MYEF2: variants seen among roughly 807,000 people sequenced by gnomAD.
The protein encoded by MYEF2 is myelin gene expression factor 2.
A neutral mutation model predicts 75.2 loss-of-function variants in MYEF2; 37 were observed. That is an observed-to-expected ratio of 0.49 (90% confidence interval 0.38 to 0.65). The LOEUF (loss-of-function observed/expected upper bound fraction) is 0.65, where lower values mean the gene tolerates loss of function less well. Among genes scored for constraint, MYEF2 ranks in the 30% least tolerant of loss-of-function variants. MYEF2 has a pLI of 0.00. For missense variants in MYEF2, 634 were observed against 771.4 expected, an observed-to-expected ratio of 0.82 and a Z score of 2.11; for synonymous variants, 195 against 241.6, an observed-to-expected ratio of 0.81 and a Z score of 1.79.
intron 5 of MYEF2, among the ~76,000 whole-genome samples, chr15:48,160,970 G>A (rs898917743): frequency 3.9e-5 from 6 of 152,016 alleles, no homozygotes; most frequent in Middle Eastern, 3.4e-3. Context: ...GTAAAAATAC[G>A]AAATTTAGGA....
intron 10 of MYEF2, chr15:48,153,450 A>C (rs923970316): frequency 5.1e-5 from 8 of 157,382 alleles, no homozygotes; most frequent in African/African-American, 1.9e-4. Context: ...CAAATGGATA[A>C]ACAGATTTTA....
chr15:48,171,064 C>G (rs1377468701), intron 1 of MYEF2, among the ~76,000 whole-genome samples: 1 of 152,094 alleles, frequency 6.6e-6, no homozygotes, highest in Non-Finnish European at 1.5e-5. Context: ...CTAGAAAGTA[C>G]CTACCTGTCT....
rs2038864350 is a variant in MYEF2, at chr15:48,135,101, A to G, written c.*7807T>C. The G allele has an allele frequency of 1.4e-6, 1 of 707,474 alleles. No homozygotes were observed. The highest frequency in any genetic ancestry group is 2.4e-6 in the Non-Finnish European group (1 of 413,724). The allele number at this position is 707,474 out of a possible 1,614,324, so 43.8% of individuals were successfully genotyped here. On this transcript the variant is annotated 3_prime_UTR_variant, in exon 17 of 17. Coordinates refer to ENST00000324324, the MANE Select transcript of MYEF2 (RefSeq NM_016132.5). ...ACTTAATCTGCCACTTCTATACCAT[A>G]TTCCAACAGGTCTGTGAGTTAACCT...
rs1162879796 is a variant in MYEF2, at chr15:48,151,588, A to G, written c.1208-17T>C. 1 of 1,590,712 alleles carries G rather than the reference A, an allele frequency of 6.3e-7. No individual in the cohort carries two copies. The highest frequency in any genetic ancestry group is 2.2e-5 in the East Asian group (1 of 44,778). On this transcript the variant is annotated splice_polypyrimidine_tract_variant and intron_variant, in intron 12 of 16. Transcript: ENST00000324324. ...GGTACAGCTCTGAAAAAATTGTGCA[A>G]CAAATTAACCTTTTCAAATATATCA... is the stretch of plus-strand genomic sequence containing the variant.
At position 48,135,028 on chromosome 15, in the gene MYEF2, G is replaced by T; in HGVS notation, c.*7880C>A. The T allele has an allele frequency of 6.8e-7, 1 of 1,472,854 alleles. No individual in the cohort carries two copies. Among genetic ancestry groups the T allele is most frequent in the South Asian group, 1.2e-5 (1 of 85,134 alleles). The allele number at this position is 1,472,854 out of a possible 1,614,324, so 91.2% of individuals were successfully genotyped here. On this transcript the variant is annotated 3_prime_UTR_variant, in exon 17 of 17. Coordinates refer to ENST00000324324, the MANE Select transcript of MYEF2 (RefSeq NM_016132.5). ...CTTATGTAAAAATTAGAGATTTTAT[G>T]AATTTCTGATGGTTCAGTAATTTTT...
At chr15:48,163,009 C>T (rs1048974757) in intron 5 of MYEF2, 1 of 152,052 alleles carries the variant, frequency 6.6e-6, no homozygotes, top group African/African-American at 2.4e-5. Flanking sequence ...AAAAGTTAGA[C>T]ATGATTAAGC....
In MYEF2 at chr15:48,137,516, T is replaced by G. The variant is rs377113351; in HGVS notation, c.*5392A>C. 25 of 152,294 alleles carry G rather than the reference T, an allele frequency of 1.6e-4. No individual in the cohort carries two copies. Among genetic ancestry groups the G allele is most frequent in the African/African-American group, 6.0e-4 (25 of 41,546 alleles). 9.4% of individuals were successfully genotyped at this position (152,294 alleles called of 1,614,324 possible). A position where few individuals can be genotyped will look rare whatever the true frequency, so the allele number is the denominator to read the frequency against. ...TATTAGAACTGTTATCTTAGTAATG[T>G]TACCCAAAATGATGTTCACCGAACT... On this transcript the variant is annotated 3_prime_UTR_variant, in exon 17 of 17. Transcript: ENST00000324324.
In MYEF2 at chr15:48,178,162, G is replaced by A. The variant is rs992640879; in HGVS notation, c.76C>T (p.Pro26Ser). 14 of 1,554,634 alleles carry A rather than the reference G, an allele frequency of 9.0e-6. No individual in the cohort carries two copies. The highest frequency in any genetic ancestry group is 1.2e-5 in the Non-Finnish European group (14 of 1,150,992). Reference protein sequence around the residue: ...DSPHLQPAEPPGEPRREPHPA... With the variant: ...DSPHLQPAEPSGEPRREPHPA... The stretch of plus-strand genomic sequence containing the variant: ...TGCGGCTCTCGCCGCGGCTCGCCCG[G>A]CGGCTCTGCGGGCTGCAGGTGCGGG... The change falls in exon 1 of 17, where the codon CCG becomes TCG. Residue 26 changes from proline to serine, a missense_variant. Coordinates refer to ENST00000324324, the MANE Select transcript of MYEF2 (RefSeq NM_016132.5).
At chr15:48,176,757 A>G (rs1350214147) in intron 1 of MYEF2, among the ~76,000 whole-genome samples, 2 of 152,240 alleles carry the variant, frequency 1.3e-5, no homozygotes, top group Non-Finnish European at 2.9e-5. Flanking sequence ...AAATTCCAGA[A>G]AGCCCACATT....
chr15:48,176,304 T>C (rs1028196378), intron 1 of MYEF2, among the ~76,000 whole-genome samples: 14 of 151,538 alleles, frequency 9.2e-5, no homozygotes, highest in African/African-American at 2.2e-4. Flanking sequence ...AATCTTCTTA[T>C]GGAATAGACA....
In MYEF2 at chr15:48,151,930, C is replaced by A. The variant is rs530373271; in HGVS notation, c.1151G>T (p.Gly384Val). Residue 384 changes from glycine to valine, a missense_variant, in exon 12 of 17, where the codon GGT becomes GTT. Transcript: ENST00000324324. The stretch of plus-strand genomic sequence containing the variant: ...CATGCTATTCATTGCTTCCAGACCA[C>A]CAAACCCTATTCCTATGGAATAAAG... ...MNRIGGGIGF[G>V]GLEAMNSMGG... The A allele has an allele frequency of 6.2e-7, 1 of 1,613,532 alleles. No homozygotes were observed. The highest frequency in any genetic ancestry group is 1.1e-5 in the South Asian group (1 of 91,072).
At position 48,138,893 on chromosome 15, in the gene MYEF2, T is replaced by G. The variant is rs995110732; in HGVS notation, c.*4015A>C. The G allele has an allele frequency of 1.8e-4, 198 of 1,091,746 alleles. No individual in the cohort carries two copies. The highest frequency in any genetic ancestry group is 1.7e-3 in the Middle Eastern group (7 of 4,098). The allele number at this position is 1,091,746 out of a possible 1,614,324, so 67.6% of individuals were successfully genotyped here. A position where few individuals can be genotyped will look rare whatever the true frequency, so the allele number is the denominator to read the frequency against. ...CTGATACAGCTAATTTATTTCAATA[T>G]AACTTTCTAAATAGGCATTTCTAAC... On this transcript the variant is annotated 3_prime_UTR_variant, in exon 17 of 17. Coordinates refer to ENST00000324324, the MANE Select transcript of MYEF2 (RefSeq NM_016132.5).
At chr15:48,163,471 A>C (rs2040024831) in intron 5 of MYEF2, among the ~76,000 whole-genome samples, 1 of 152,228 alleles carries the variant, frequency 6.6e-6, no homozygotes, top group East Asian at 1.9e-4. Context: ...TCTCTATAAC[A>C]TAAAAGTGCA....
At chr15:48,177,924 C>A (rs1432022079) in intron 1 of MYEF2, among the ~76,000 whole-genome samples, 153 bp downstream of exon 1, 1 of 152,046 alleles carries the variant, frequency 6.6e-6, no homozygotes, top group African/African-American at 2.4e-5. Context: ...TGGGAGCGGC[C>A]CAGCTGCACC....
intron 9 of MYEF2, among the ~76,000 whole-genome samples, chr15:48,154,558 C>A (rs1003582126): frequency 1.3e-5 from 2 of 151,978 alleles, no homozygotes; most frequent in African/African-American, 4.8e-5. Context: ...AAAGAAAGGA[C>A]GATTCAACAA....
intron 14 of MYEF2, among the ~76,000 whole-genome samples, chr15:48,150,582 A>G (rs1024441082): frequency 2.6e-5 from 4 of 152,016 alleles, no homozygotes; most frequent in Non-Finnish European, 5.9e-5. Context: ...AGCATTCCCC[A>G]GTGTTGCAAC....
At chr15:48,175,365 T>C (rs899526902) in intron 1 of MYEF2, among the ~76,000 whole-genome samples, 13 of 152,228 alleles carry the variant, frequency 8.5e-5, no homozygotes, top group African/African-American at 2.2e-4. Context: ...AGTTATAAGA[T>C]GAGTAAGTTC....
At chr15:48,161,789 A>G (rs554675796) in intron 5 of MYEF2, among the ~76,000 whole-genome samples, 1 of 150,196 alleles carries the variant, frequency 6.7e-6, no homozygotes, top group South Asian at 2.2e-4. Flanking sequence ...GAAACAGAAA[A>G]CATAAAACAG....
intron 9 of MYEF2, chr15:48,154,097 T>A (rs1319131596): frequency 2.6e-5 from 12 of 469,286 alleles, no homozygotes; most frequent in Non-Finnish European, 4.2e-5. Flanking sequence ...GAGAAGTGTT[T>A]TATGAAATAA....
Sources: allele counts gnomAD v4.1 joint callset (sites outside exome capture counted in the v4.1 genomes callset), GRCh38; gene constraint gnomAD v4.1.1; transcripts MANE v1.5; gene names NCBI Gene and HGNC (gene_info 2026-07-23, HGNC 2026-07-21).